The following TMED5 variants were observed in gnomAD, a reference collection of about 807,000 sequenced individuals.
TMED5 encodes transmembrane p24 trafficking protein 5.
A neutral mutation model predicts 23.0 loss-of-function variants in TMED5; 27 were observed. The ratio of observed to expected loss-of-function variants is 1.17; its 90% CI spans 0.86 to 1.62. TMED5 has a LOEUF of 1.62. TMED5 is among the 40% of genes most tolerant of loss of function. The probability of loss-of-function intolerance (pLI) is 0.00; values close to 1 mark genes in which losing one functional copy is unlikely to be tolerated. For missense variants in TMED5, 248 were observed against 273.7 expected (o/e 0.91, Z 0.66); for synonymous variants, 97 against 100.8 (o/e 0.96, Z 0.23).
intron 1 of TMED5, among the ~76,000 whole-genome samples, chr1:93,177,277 T>C (rs952853461): frequency 2.0e-5 from 3 of 152,008 alleles, no homozygotes; most frequent in African/African-American, 7.2e-5. Context: ...TTAGGGAGAA[T>C]GTTTTAAAGG....
At chr1:93,178,029 A>T (rs1648984951) in intron 1 of TMED5, among the ~76,000 whole-genome samples, 3 of 152,190 alleles carry the variant, frequency 2.0e-5, no homozygotes, top group Non-Finnish European at 4.4e-5. Flanking sequence ...AGACTATTTC[A>T]CTAGCCCTCT....
chr1:93,168,929 C>T (rs1282429522), intron 1 of TMED5, among the ~76,000 whole-genome samples: 1 of 152,130 alleles, frequency 6.6e-6, no homozygotes, highest in African/African-American at 2.4e-5. Context: ...CACCTAACAA[C>T]AATGTATCAA....
chr1:93,155,348 G>T (rs974306389), intron 3 of TMED5, among the ~76,000 whole-genome samples: 1 of 152,162 alleles, frequency 6.6e-6, no homozygotes, highest in African/African-American at 2.4e-5. Flanking sequence ...GAGATTCTCT[G>T]TAAGGTTATA....
Position 93,167,817 on chromosome 1 carries a change from T to A in TMED5, c.190-7591A>T, listed in dbSNP as rs1416688251. Among the ~76,000 whole-genome samples, 3 of 152,334 alleles carry A rather than the reference T, an allele frequency of 2.0e-5. No individual in the cohort carries two copies. The East Asian group carries it at 5.8e-4, about 29-fold the overall frequency. ...TGAATGACCGTGGTGAAAGTGTGCA[T>A]CTTTGTTGTGTTCCAGATCTCAGAG... On this transcript the variant is annotated intron_variant, in intron 1 of 3. Coordinates refer to ENST00000370282, the MANE Select transcript of TMED5 (RefSeq NM_016040.5).
At position 93,158,912 on chromosome 1, in the gene TMED5, A is replaced by G. The variant is rs572044814; in HGVS notation, c.287+1217T>C. ...TATCAAAGAGAAAACAGTTAATTCC[A>G]AGTATATCAATATAAACTGACTTTT... On this transcript the variant is annotated intron_variant, in intron 2 of 3. Coordinates refer to ENST00000370282, the MANE Select transcript of TMED5 (RefSeq NM_016040.5). The G allele has an allele frequency of 7.9e-5, 70 of 888,824 alleles. No individual in the cohort carries two copies. The African/African-American group carries it at 1.2e-3, about 16-fold the overall frequency. The allele number at this position is 888,824 out of a possible 1,614,324, so 55.1% of individuals were successfully genotyped here. A position where few individuals can be genotyped will look rare whatever the true frequency, so the allele number is the denominator to read the frequency against.
In TMED5 at chr1:93,150,588, T is replaced by C. The variant is rs1571265332; in HGVS notation, c.*4082A>G. 1 of 152,252 alleles carries C rather than the reference T, an allele frequency of 6.6e-6. No individual in the cohort carries two copies. The highest frequency in any genetic ancestry group is 1.9e-4 in the East Asian group (1 of 5,200). The allele number at this position is 152,252 out of a possible 1,614,324, so 9.4% of individuals were successfully genotyped here. On this transcript the variant is annotated 3_prime_UTR_variant, in exon 4 of 4. Transcript: ENST00000370282. ...ACCAGCAACGTATGAGTGGTCCACT[T>C]ATCCAATTTCTCTTGCATCCTAGCA...
At chr1:93,156,855 A>C (rs1455048673) in intron 2 of TMED5, among the ~76,000 whole-genome samples, 1 of 151,588 alleles carries the variant, frequency 6.6e-6, no homozygotes, top group Non-Finnish European at 1.5e-5. Flanking sequence ...AAAACAAATA[A>C]CATAGTTTAT....
In TMED5 at chr1:93,151,330, A is replaced by C. The variant is rs147037394; in HGVS notation, c.*3340T>G. ...GAAATGACCAAATAATAACCTACCTACACCAAGCATTGTACTTTTCCTATA... is the reference window on the plus strand; with the variant it reads ...GAAATGACCAAATAATAACCTACCTCCACCAAGCATTGTACTTTTCCTATA... On this transcript the variant is annotated 3_prime_UTR_variant, in exon 4 of 4. Transcript: ENST00000370282. The C allele has an allele frequency of 6.6e-6, 1 of 152,306 alleles. No homozygotes were observed. The highest frequency in any genetic ancestry group is 1.9e-4 in the East Asian group (1 of 5,190). The allele number at this position is 152,306 out of a possible 1,614,324, so 9.4% of individuals were successfully genotyped here. A position where few individuals can be genotyped will look rare whatever the true frequency, so the allele number is the denominator to read the frequency against.
chr1:93,156,729 G>A (rs1420352631), intron 2 of TMED5, among the ~76,000 whole-genome samples: 1 of 147,194 alleles, frequency 6.8e-6, no homozygotes, highest in Non-Finnish European at 1.5e-5. Flanking sequence ...GATTGCTTGA[G>A]CCCGGAAGGT....
At chr1:93,179,203 A>G (rs1344882810) in intron 1 of TMED5, among the ~76,000 whole-genome samples, 2 of 152,146 alleles carry the variant, frequency 1.3e-5, no homozygotes, top group Non-Finnish European at 2.9e-5. Context: ...CTCTACTAAA[A>G]ATACAAAAAT....
At chr1:93,160,914 G>A (rs962783249) in intron 1 of TMED5, 2 of 139,278 alleles carry the variant, frequency 1.4e-5, no homozygotes, top group Non-Finnish European at 3.0e-5. Context: ...TTCAATAAAA[G>A]AATAATAATT....
At chr1:93,175,299 C>CTA (rs1239274904) in intron 1 of TMED5, among the ~76,000 whole-genome samples, 2,010 of 110,630 alleles carry the variant, frequency 0.018, 26 homozygotes, top group South Asian at 0.052. Context: ...TCCCTTATGC[C>CTA]TATATATATA....
chr1:93,170,547 C>A (rs116851417), intron 1 of TMED5, among the ~76,000 whole-genome samples: 2 of 152,178 alleles, frequency 1.3e-5, no homozygotes, highest in South Asian at 2.1e-4. Context: ...CAAGCCTCCC[C>A]GAAGAGCGCC....
In TMED5 at chr1:93,173,785, T is replaced by C. The variant is rs562441624; in HGVS notation, c.189+6269A>G. Among the ~76,000 whole-genome samples the C allele has an allele frequency of 9.2e-5, 14 of 152,352 alleles. 1 individual carries two copies. Among genetic ancestry groups the C allele is most frequent in the African/African-American group, 3.4e-4 (14 of 41,590 alleles). On this transcript the variant is annotated intron_variant, in intron 1 of 3. Transcript: ENST00000370282. ...TTATTAAAAACTGATTTGGTTTGTTTACCTATTGGTAAAAACTTTGTAAGG... is the reference window on the plus strand; with the variant it reads ...TTATTAAAAACTGATTTGGTTTGTTCACCTATTGGTAAAAACTTTGTAAGG...
chr1:93,165,056 A>G (rs1456974571), intron 1 of TMED5, among the ~76,000 whole-genome samples: 1 of 152,224 alleles, frequency 6.6e-6, no homozygotes, highest in Non-Finnish European at 1.5e-5. Context: ...AGGGAACAGA[A>G]GCCTAAGTCC....
intron 1 of TMED5, among the ~76,000 whole-genome samples, chr1:93,165,744 T>A (rs1648481309): frequency 6.6e-6 from 1 of 152,246 alleles, no homozygotes; most frequent in Non-Finnish European, 1.5e-5. Flanking sequence ...AAATGTACAT[T>A]TATGCTACAA....
At chr1:93,170,272 A>T (rs1412950053) in intron 1 of TMED5, among the ~76,000 whole-genome samples, 1 of 151,946 alleles carries the variant, frequency 6.6e-6, no homozygotes, top group African/African-American at 2.4e-5. Context: ...GTGGAGGGAG[A>T]GGCGCGGGTG....
At chr1:93,172,153 CA>C (rs1162031840) in intron 1 of TMED5, among the ~76,000 whole-genome samples, 2 of 152,080 alleles carry the variant, frequency 1.3e-5, no homozygotes, top group East Asian at 1.9e-4. Context: ...AAATCAGAAA[CA>C]AGACAAAGAT....
intron 2 of TMED5, among the ~76,000 whole-genome samples, chr1:93,157,548 G>A (rs1346124647): frequency 6.6e-5 from 10 of 152,064 alleles, no homozygotes; most frequent in African/African-American, 2.4e-4. Context: ...GCAAAAGTGA[G>A]ACCTTGTCTC....
Sources: allele counts gnomAD v4.1 joint callset (sites outside exome capture counted in the v4.1 genomes callset), GRCh38; gene constraint gnomAD v4.1.1; transcripts MANE v1.5; gene names NCBI Gene and HGNC (gene_info 2026-07-23, HGNC 2026-07-21).